The following ARID4B variants were observed in gnomAD, a reference collection of about 807,000 sequenced individuals.
ARID4B encodes AT-rich interactive domain-containing protein 4B.
A neutral mutation model predicts 147.5 loss-of-function variants in ARID4B; 26 were observed. That is an observed-to-expected ratio of 0.18 (90% CI 0.13 to 0.24). ARID4B has a LOEUF of 0.24. Among genes scored for constraint, ARID4B ranks in the 10% least tolerant of loss-of-function variants. The pLI is 1.00. For missense variants in ARID4B, 1,179 were observed against 1,511.5 expected (o/e 0.78, Z 3.65); for synonymous variants, 512 against 507.9 (o/e 1.01, Z -0.11).
chr1:235,284,347 G>A (rs189062009), intron 2 of ARID4B, among the ~76,000 whole-genome samples: 58 of 152,278 alleles, frequency 3.8e-4, no homozygotes, highest in African/African-American at 1.0e-3. Flanking sequence ...GCGACAGAGC[G>A]AGACTCCGTC....
At position 235,200,865 on chromosome 1, in the gene ARID4B, C is replaced by T. The variant is rs776828813; in HGVS notation, c.1842-4750G>A. Among the ~76,000 whole-genome samples, 7 of 152,226 alleles carry T rather than the reference C, an allele frequency of 4.6e-5. No individual in the cohort carries two copies. In the Middle Eastern group the frequency reaches 0.014, roughly 296 times the overall value. On this transcript the variant is annotated intron_variant, in intron 17 of 23. Transcript: ENST00000264183. ...AATTTCATAAAAAATTAAAATAGGCCAGGCCCGGTGGCTTATGCCTGTAAT... is the reference window on the plus strand; with the variant it reads ...AATTTCATAAAAAATTAAAATAGGCTAGGCCCGGTGGCTTATGCCTGTAAT...
chr1:235,170,989 A>C (rs563253706), intron 23 of ARID4B, among the ~76,000 whole-genome samples: 1 of 151,756 alleles, frequency 6.6e-6, no homozygotes, highest in South Asian at 2.1e-4. Context: ...TTTAAACAAT[A>C]TATTTTAAGA....
At chr1:235,229,526 T>C in intron 10 of ARID4B, 141 bp from the exon 11 acceptor site, 3 of 631,262 alleles carry the variant, frequency 4.8e-6, no homozygotes, top group East Asian at 2.9e-5. Flanking sequence ...AGAAACTGTG[T>C]TAAGTGCTTT....
chr1:235,230,982 C>A, intron 10 of ARID4B, 131 bp downstream of exon 10: 1 of 619,840 alleles, frequency 1.6e-6, no homozygotes, highest in Non-Finnish European at 2.8e-6. Flanking sequence ...AAATAAAGGT[C>A]ACAAGGAACC....
At chr1:235,309,595 G>A (rs1331145442) in intron 2 of ARID4B, among the ~76,000 whole-genome samples, 124 of 148,038 alleles carry the variant, frequency 8.4e-4, no homozygotes, top group South Asian at 1.5e-3. Flanking sequence ...TCCGGGAGGT[G>A]AGGGGCGCCT....
intron 2 of ARID4B, among the ~76,000 whole-genome samples, chr1:235,311,126 G>A (rs1302018568): frequency 6.6e-6 from 1 of 151,982 alleles, no homozygotes; most frequent in Non-Finnish European, 1.5e-5. Flanking sequence ...AACAGTTGGT[G>A]GCTGCAATAA....
intron 17 of ARID4B, among the ~76,000 whole-genome samples, chr1:235,213,190 G>A (rs1666817788): frequency 6.6e-6 from 1 of 152,048 alleles, no homozygotes; most frequent in Admixed American, 6.5e-5. Flanking sequence ...CCTAGGTTAG[G>A]AGCAGTCAAA....
intron 23 of ARID4B, among the ~76,000 whole-genome samples, chr1:235,171,734 G>A (rs749416655): frequency 6.6e-6 from 1 of 151,944 alleles, no homozygotes; most frequent in African/African-American, 2.4e-5. Context: ...CTGCCTCCTG[G>A]GTTTAAGCAA....
At chr1:235,196,842 ACT>A (rs1467663983) in intron 17 of ARID4B, among the ~76,000 whole-genome samples, 3 of 125,388 alleles carry the variant, frequency 2.4e-5, no homozygotes, top group South Asian at 2.9e-4. Context: ...ACAGAGCGAG[ACT>A]CTGTTTCACA....
At chr1:235,310,098 C>G (rs1673939773) in intron 2 of ARID4B, among the ~76,000 whole-genome samples, 1 of 151,964 alleles carries the variant, frequency 6.6e-6, no homozygotes, top group African/African-American at 2.4e-5. Flanking sequence ...ACTTGTTTAT[C>G]TGCTGACCTT....
Position 235,221,569 on chromosome 1 carries a change from T to C in ARID4B, c.1159A>G (p.Lys387Glu). The C allele has an allele frequency of 6.3e-7, 1 of 1,576,134 alleles. No individual in the cohort carries two copies. The highest frequency in any genetic ancestry group is 8.7e-7 in the Non-Finnish European group (1 of 1,152,322). Residue 387 changes from lysine to glutamate, a missense_variant, in exon 14 of 24, where the codon AAA (lysine) becomes GAA (glutamate). Around this residue, in one of 10 missense-constraint regions of ARID4B, gnomAD observed 204 missense variants for 210.9 expected, o/e 0.97. Coordinates refer to ENST00000264183, the MANE Select transcript of ARID4B (RefSeq NM_016374.6). ...ATATCAATTATACTAACTTACTTTT[T>C]ATAAGCACATTTAACATTGTATCCT... is the stretch of plus-strand genomic sequence containing the variant. ...AAGYNVKCAYKKYLYGFEEYC... is the reference protein window; with the variant it reads ...AAGYNVKCAYEKYLYGFEEYC...
intron 16 of ARID4B, 45 bp downstream of exon 16, chr1:235,219,748 A>G: frequency 1.4e-6 from 2 of 1,450,274 alleles, no homozygotes; most frequent in Non-Finnish European, 1.9e-6. Context: ...AATGATAAGA[A>G]TCCATCAAGC....
chr1:235,282,926 G>A (rs1200782445), intron 2 of ARID4B, among the ~76,000 whole-genome samples: 1 of 151,954 alleles, frequency 6.6e-6, no homozygotes, highest in African/African-American at 2.4e-5. Context: ...GACTACAGGC[G>A]CCTGCCACCA....
At chr1:235,214,889 A>T (rs1182680455) in intron 16 of ARID4B, among the ~76,000 whole-genome samples, 1 of 125,224 alleles carries the variant, frequency 8.0e-6, no homozygotes, top group Non-Finnish European at 1.6e-5. Context: ...CCCAGGCTGG[A>T]GTGGTGCAAT....
At position 235,239,805 on chromosome 1, in the gene ARID4B, G is replaced by A. The variant is rs115069586; in HGVS notation, c.585+508C>T. Among the ~76,000 whole-genome samples, 522 of 152,226 alleles carry A rather than the reference G, an allele frequency of 3.4e-3. 1 individual carries two copies. Among genetic ancestry groups the A allele is most frequent in the Non-Finnish European group, 5.9e-3 (403 of 68,004 alleles). ...ATCTAAGGAATTGCAATCTTTTGGA[G>A]AGAAAAACATTAAAAAGTAGGTAGA... On this transcript the variant is annotated intron_variant, in intron 8 of 23. Transcript: ENST00000264183.
At chr1:235,283,922 AGACG>A (rs1245391152) in intron 2 of ARID4B, among the ~76,000 whole-genome samples, 3 of 151,970 alleles carry the variant, frequency 2.0e-5, no homozygotes, top group Non-Finnish European at 2.9e-5. Flanking sequence ...ATTTTAGTAG[AGACG>A]GGGTTTCGAT....
intron 2 of ARID4B, among the ~76,000 whole-genome samples, chr1:235,295,518 A>T (rs1296490293): frequency 1.4e-5 from 2 of 141,920 alleles, no homozygotes; most frequent in Non-Finnish European, 3.1e-5. Flanking sequence ...ATCTCAATTT[A>T]AAAAAAAAAA....
rs371160057 is a variant in ARID4B, at chr1:235,170,705, T to C, written c.3811+1913A>G. On this transcript the variant is annotated intron_variant, in intron 23 of 23. Transcript: ENST00000264183. ...GTGAGCCAAGATTGCACCACTACAC[T>C]CCAGCCTGGATGACAGAGAGATACT... 9.9e-5 allele frequency among the ~76,000 whole-genome samples: 15 copies of C among 151,640 alleles called. No individual in the cohort carries two copies. In the East Asian group the frequency reaches 1.9e-3, roughly 20 times the overall value.
chr1:235,286,415 G>C (rs932394354), intron 2 of ARID4B, among the ~76,000 whole-genome samples: 4 of 152,166 alleles, frequency 2.6e-5, no homozygotes, highest in African/African-American at 9.7e-5. Flanking sequence ...CTCAGTCTTT[G>C]TTTTCATGGA....
Sources: allele counts gnomAD v4.1 joint callset (sites outside exome capture counted in the v4.1 genomes callset), GRCh38; gene constraint gnomAD v4.1.1; regional missense constraint gnomAD v4.1.1; transcripts MANE v1.5; gene names NCBI Gene and HGNC (gene_info 2026-07-23, HGNC 2026-07-21).